Variants in C7orf78 observed in about 807,000 individuals in gnomAD.
C7orf78 encodes the protein chromosome 7 open reading frame 78.
chr7:12,490,876 T>G, the C7orf78 span, among the ~76,000 whole-genome samples: 5 of 152,090 alleles, frequency 3.3e-5, no homozygotes, highest in Admixed American at 6.6e-5. Context: ...ATCTTCAGAT[T>G]TGCATTGCTC....
chr7:12,498,976 G>C, the C7orf78 span, among the ~76,000 whole-genome samples: 1 of 151,850 alleles, frequency 6.6e-6, no homozygotes, highest in Non-Finnish European at 1.5e-5. Context: ...TTCATTTCCA[G>C]CCAAACTAAG....
chr7:12,513,994 C>T, the C7orf78 span, among the ~76,000 whole-genome samples: 1 of 151,778 alleles, frequency 6.6e-6, no homozygotes, highest in African/African-American at 2.4e-5. Context: ...AGCGAGACTC[C>T]GTCTCAAAAG....
At chr7:12,527,449 A>G in the C7orf78 span, among the ~76,000 whole-genome samples, 1,245 of 42,376 alleles carry the variant, frequency 0.029, 157 homozygotes, top group African/African-American at 0.13. Flanking sequence ...ACTCACTTTG[A>G]TAGAAAATGC....
chr7:12,533,477 A>T, the C7orf78 span, among the ~76,000 whole-genome samples: 1 of 148,726 alleles, frequency 6.7e-6, no homozygotes, highest in Non-Finnish European at 1.5e-5. Context: ...CTGGGATTAC[A>T]GGTGTGAGCC....
chr7:12,530,357 T>G, the C7orf78 span: 1 of 152,194 alleles, frequency 6.6e-6, no homozygotes, highest in Admixed American at 6.5e-5. Flanking sequence ...AAAAGTATAT[T>G]TGGGGGTAAA....
the C7orf78 span, among the ~76,000 whole-genome samples, chr7:12,501,401 A>T: frequency 1.3e-5 from 2 of 151,642 alleles, no homozygotes; most frequent in African/African-American, 4.9e-5. Context: ...TACAAAATCA[A>T]TGTGCAAAAA....
At chr7:12,511,399 A>AT in the C7orf78 span, among the ~76,000 whole-genome samples, 1 of 151,978 alleles carries the variant, frequency 6.6e-6, no homozygotes, top group African/African-American at 2.4e-5. Flanking sequence ...TTGTTTTTCT[A>AT]TTTCTGTGAA....
chr7:12,517,770 A>T, the C7orf78 span, among the ~76,000 whole-genome samples: 6 of 152,188 alleles, frequency 3.9e-5, no homozygotes, highest in East Asian at 1.2e-3. Flanking sequence ...TAAATTTCTC[A>T]TTCATATCCT....
chr7:12,506,944 T>C, the C7orf78 span: 32 of 481,530 alleles, frequency 6.6e-5, no homozygotes, highest in African/African-American at 5.9e-4. Context: ...AAGTGCTGAA[T>C]AAATCTCTTG....
At chr7:12,524,659 A>G in the C7orf78 span, among the ~76,000 whole-genome samples, 2 of 152,054 alleles carry the variant, frequency 1.3e-5, no homozygotes, top group East Asian at 3.9e-4. Context: ...CCTAACCAAC[A>G]TGGTGAAACC....
the C7orf78 span, among the ~76,000 whole-genome samples, chr7:12,514,973 G>T: frequency 6.6e-6 from 1 of 152,140 alleles, no homozygotes; most frequent in African/African-American, 2.4e-5. Context: ...TAAGGTTTCT[G>T]ATGAGAAATC....
the C7orf78 span, among the ~76,000 whole-genome samples, chr7:12,540,596 T>C: frequency 6.6e-6 from 1 of 152,214 alleles, no homozygotes; most frequent in Non-Finnish European, 1.5e-5. Context: ...AAGATGGCAC[T>C]CCAAAACACC....
At chr7:12,523,371 G>A in the C7orf78 span, 1 of 398,358 alleles carries the variant, frequency 2.5e-6, no homozygotes, top group Non-Finnish European at 4.4e-6. Flanking sequence ...TTTGTGAAGA[G>A]TGGACAATAT....
At chr7:12,492,628 C>G in the C7orf78 span, among the ~76,000 whole-genome samples, 1 of 152,190 alleles carries the variant, frequency 6.6e-6, no homozygotes, top group Admixed American at 6.5e-5. Flanking sequence ...GAGTACTAAA[C>G]TCACTCCCAG....
chr7:12,504,060 A>C, the C7orf78 span, among the ~76,000 whole-genome samples: 1 of 152,240 alleles, frequency 6.6e-6, no homozygotes, highest in Non-Finnish European at 1.5e-5. Context: ...AAATTAAGTC[A>C]ACCTTCTTAA....
the C7orf78 span, chr7:12,530,886 G>T: frequency 2.5e-6 from 1 of 393,408 alleles, no homozygotes. Context: ...AGCAGAACAA[G>T]ATGTGAATCT....
the C7orf78 span, among the ~76,000 whole-genome samples, chr7:12,519,829 A>T: frequency 6.6e-6 from 1 of 152,174 alleles, no homozygotes; most frequent in South Asian, 2.1e-4. Context: ...GGATATAAAC[A>T]GAGGTTCCCA....
the C7orf78 span, chr7:12,496,494 G>T: frequency 2.0e-5 from 3 of 152,160 alleles, no homozygotes; most frequent in African/African-American, 7.2e-5. Context: ...GTCATCAAGG[G>T]TTAGTAATGA....
At chr7:12,539,669 A>G in the C7orf78 span, among the ~76,000 whole-genome samples, 1 of 152,218 alleles carries the variant, frequency 6.6e-6, no homozygotes, top group Non-Finnish European at 1.5e-5. Flanking sequence ...CAGAAAGCCA[A>G]TCACTGAGAC....
Sources: gnomAD v4.1 joint callset for allele counts (sites outside exome capture counted in the v4.1 genomes callset) on GRCh38, gnomAD v4.1.1 for gene constraint, MANE v1.5 for transcripts, NCBI Gene and HGNC (gene_info 2026-07-23, HGNC 2026-07-21) for gene names.